PDE4B: variants seen among roughly 807,000 people sequenced by gnomAD.
PDE4B encodes the protein phosphodiesterase 4B.
Under a neutral mutation model 82.2 loss-of-function variants are expected in PDE4B, and 20 were observed. That is an observed-to-expected ratio of 0.24 (90% CI 0.17 to 0.35). The LOEUF (loss-of-function observed/expected upper bound fraction) is 0.35, where lower values mean the gene tolerates loss of function less well. Among genes scored for constraint, PDE4B ranks in the 10% least tolerant of loss-of-function variants. PDE4B has a pLI of 1.00. For missense variants in PDE4B, 655 were observed against 907.2 expected, an observed-to-expected ratio of 0.72 and a Z score of 3.57; for synonymous variants, 320 against 318.9, an observed-to-expected ratio of 1.00 and a Z score of -0.04.
chr1:66,305,026 A>G (rs1305070004), intron 7 of PDE4B, among the ~76,000 whole-genome samples: 1 of 152,142 alleles, frequency 6.6e-6, no homozygotes, highest in African/African-American at 2.4e-5. Context: ...CCCTTCTCTC[A>G]GAAGATGACA....
chr1:65,961,650 G>A (rs1002064755), intron 3 of PDE4B, among the ~76,000 whole-genome samples: 2 of 152,136 alleles, frequency 1.3e-5, no homozygotes, highest in African/African-American at 4.8e-5. Context: ...GCAACGGTTT[G>A]TCTTATTTCA....
At chr1:66,266,818 T>C (rs1329020094) in intron 7 of PDE4B, 20 of 421,396 alleles carry the variant, frequency 4.7e-5, no homozygotes. Flanking sequence ...GTCCAAATAA[T>C]GTTTTCTCCT....
chr1:65,834,135 C>T (rs1314314661), intron 1 of PDE4B, among the ~76,000 whole-genome samples: 1 of 152,194 alleles, frequency 6.6e-6, no homozygotes, highest in African/African-American at 2.4e-5. Context: ...ACCTCCGCCT[C>T]CCGGGTTTAA....
At chr1:65,889,298 G>A (rs1340348020) in intron 1 of PDE4B, among the ~76,000 whole-genome samples, 4 of 152,028 alleles carry the variant, frequency 2.6e-5, no homozygotes, top group Non-Finnish European at 5.9e-5. Flanking sequence ...TGATCATGGT[G>A]TATTATCTTT....
At chr1:66,063,323 G>A (rs1655678470) in intron 3 of PDE4B, among the ~76,000 whole-genome samples, 1 of 152,066 alleles carries the variant, frequency 6.6e-6, no homozygotes, top group African/African-American at 2.4e-5. Context: ...GAATTGAAGA[G>A]TAAAAAATAA....
At chr1:66,308,940 A>T (rs369416611) in intron 7 of PDE4B, among the ~76,000 whole-genome samples, 23 of 152,232 alleles carry the variant, frequency 1.5e-4, no homozygotes, top group African/African-American at 5.1e-4. Flanking sequence ...TACTACAAAC[A>T]GCCTTGTAAT....
At chr1:66,316,922 G>A (rs960342611) in intron 7 of PDE4B, among the ~76,000 whole-genome samples, 1 of 152,156 alleles carries the variant, frequency 6.6e-6, no homozygotes, top group Non-Finnish European at 1.5e-5. Flanking sequence ...GGGAAATTAG[G>A]GCCGGAACGG....
chr1:66,079,933 T>C lies in PDE4B; in HGVS notation c.281+161098T>C, dbSNP rs139517519. ...CAAGCTTTAATGAAAATAATTTTAA[T>C]ACTTGTTGGACAGTTTAAATGGCCT... On this transcript the variant is annotated intron_variant, in intron 3 of 16. Transcript: ENST00000341517. Among the ~76,000 whole-genome samples the C allele has an allele frequency of 1.4e-3, 211 of 152,262 alleles. 5 individuals carry two copies. In the East Asian group the frequency reaches 0.034, roughly 25 times the overall value.
intron 3 of PDE4B, among the ~76,000 whole-genome samples, chr1:65,989,995 C>T (rs115708883): frequency 0.012 from 1,753 of 150,230 alleles, 30 homozygotes; most frequent in African/African-American, 0.04. Context: ...TCAAAGAGTC[C>T]GATTATCTTT....
chr1:66,023,742 C>A (rs1653276245), intron 3 of PDE4B, among the ~76,000 whole-genome samples: 3 of 151,994 alleles, frequency 2.0e-5, no homozygotes, highest in Non-Finnish European at 2.9e-5. Flanking sequence ...AGATCAACTA[C>A]CATTTATGTA....
At chr1:66,130,913 A>G (rs1645928229) in intron 3 of PDE4B, among the ~76,000 whole-genome samples, 1 of 152,194 alleles carries the variant, frequency 6.6e-6, no homozygotes, top group African/African-American at 2.4e-5. Flanking sequence ...ATTTCTTGGA[A>G]ATTCATTTTA....
intron 3 of PDE4B, among the ~76,000 whole-genome samples, chr1:66,057,704 C>A (rs960372860): frequency 6.6e-6 from 1 of 152,130 alleles, no homozygotes; most frequent in African/African-American, 2.4e-5. Context: ...ACCATCAGAT[C>A]TTGTGAAACT....
At chr1:66,101,769 C>T (rs1645229831) in intron 3 of PDE4B, among the ~76,000 whole-genome samples, 1 of 152,010 alleles carries the variant, frequency 6.6e-6, no homozygotes, top group South Asian at 2.1e-4. Flanking sequence ...AAATTTTCTC[C>T]CATTCTGTAG....
chr1:65,973,548 A>G (rs1039559132), intron 3 of PDE4B, among the ~76,000 whole-genome samples: 12 of 152,150 alleles, frequency 7.9e-5, no homozygotes, highest in African/African-American at 2.9e-4. Flanking sequence ...CACAATAGAC[A>G]CCTAGGAATT....
intron 3 of PDE4B, among the ~76,000 whole-genome samples, chr1:65,965,655 G>T (rs1016797048): frequency 9.2e-5 from 14 of 152,078 alleles, no homozygotes; most frequent in African/African-American, 3.4e-4. Flanking sequence ...CCAATTAATA[G>T]ATCAAGGTAA....
intron 3 of PDE4B, among the ~76,000 whole-genome samples, chr1:66,100,313 A>G (rs80272747): frequency 0.072 from 11,009 of 152,092 alleles, 661 homozygotes; most frequent in African/African-American, 0.16. Context: ...TTGGCCTCCT[A>G]AAGTGCTGGG....
At chr1:66,035,665 T>C (rs1654022739) in intron 3 of PDE4B, among the ~76,000 whole-genome samples, 1 of 152,194 alleles carries the variant, frequency 6.6e-6, no homozygotes, top group African/African-American at 2.4e-5. Context: ...GAATTTCCTG[T>C]TTTTGTAAAG....
At chr1:65,823,824 A>G (rs896785761) in intron 1 of PDE4B, among the ~76,000 whole-genome samples, 4 of 152,214 alleles carry the variant, frequency 2.6e-5, no homozygotes, top group East Asian at 1.9e-4. Context: ...TGTTATGTCA[A>G]TATGAACACT....
intron 3 of PDE4B, among the ~76,000 whole-genome samples, chr1:66,013,638 G>A (rs1465011005): frequency 1.3e-5 from 2 of 151,452 alleles, no homozygotes; most frequent in Non-Finnish European, 2.9e-5. Flanking sequence ...ACCACTCCTC[G>A]GTTTTTCTTC....
Sources: allele counts gnomAD v4.1 joint callset (sites outside exome capture counted in the v4.1 genomes callset), GRCh38; gene constraint gnomAD v4.1.1; transcripts MANE v1.5; gene names NCBI Gene and HGNC (gene_info 2026-07-23, HGNC 2026-07-21).